Variants in NEK11 observed in about 807,000 individuals in gnomAD.
NEK11 encodes the protein serine/threonine-protein kinase Nek11.
Under a neutral mutation model 80.7 loss-of-function variants are expected in NEK11, and 72 were observed. That is an observed-to-expected ratio of 0.89 (90% CI 0.74 to 1.08). The LOEUF (loss-of-function observed/expected upper bound fraction) is 1.08, where lower values mean the gene tolerates loss of function less well. NEK11 is among the 50% of genes least tolerant of loss of function. NEK11 has a pLI of 0.00. For missense variants in NEK11, 764 were observed against 763.6 expected (o/e 1.00, Z -0.01); for synonymous variants, 251 against 260.7 (o/e 0.96, Z 0.36).
At position 131,029,887 on chromosome 3, in the gene NEK11, A is replaced by C. The variant is rs2064524807; in HGVS notation, c.170+9A>C. ...AAACGAGGAGAGGAATTGTAAGTAA[A>C]AATGCTTCCTATGAATCTTGAGTAG... On this transcript the variant is annotated intron_variant, in intron 3 of 17. Transcript: ENST00000383366. 2 of 1,613,568 alleles carry C rather than the reference A, an allele frequency of 1.2e-6. No homozygotes were observed. Among genetic ancestry groups the C allele is most frequent in the Non-Finnish European group, 1.7e-6 (2 of 1,179,708 alleles).
At chr3:131,029,417 C>T (rs1333681868) in intron 2 of NEK11, among the ~76,000 whole-genome samples, 196 bp from the exon 3 acceptor site, 1 of 152,166 alleles carries the variant, frequency 6.6e-6, no homozygotes, top group African/African-American at 2.4e-5. Flanking sequence ...TTTCAATGTA[C>T]AAAGGGAGGC....
At chr3:131,253,372 C>A (rs2095745068) in intron 16 of NEK11, among the ~76,000 whole-genome samples, 1 of 151,306 alleles carries the variant, frequency 6.6e-6, no homozygotes, top group South Asian at 2.1e-4. Flanking sequence ...TGATTCTAGG[C>A]AGAATTAGGA....
intron 14 of NEK11, among the ~76,000 whole-genome samples, chr3:131,217,331 G>C (rs945537992): frequency 3.9e-5 from 6 of 152,028 alleles, no homozygotes; most frequent in African/African-American, 1.4e-4. Flanking sequence ...GGAGAGACTG[G>C]GTATCCTTAT....
intron 4 of NEK11, 146 bp from the exon 5 acceptor site, chr3:131,109,657 T>C: frequency 1.2e-6 from 1 of 833,214 alleles, no homozygotes; most frequent in Non-Finnish European, 1.8e-6. Context: ...GGATAGACTT[T>C]GATTAAAGAG....
chr3:131,243,416 T>C lies in NEK11; in HGVS notation c.1561-20T>C. On this transcript the variant is annotated intron_variant, in intron 15 of 17. Transcript: ENST00000383366. ...TTCTACCATACAGGGAAAATAAACA[T>C]TTCTCCCTTATTTTGACAGGACAGT... is the stretch of plus-strand genomic sequence containing the variant. 6.2e-7 allele frequency: 1 copy of C among 1,607,454 alleles called. No individual in the cohort carries two copies. The highest frequency in any genetic ancestry group is 8.5e-7 in the Non-Finnish European group (1 of 1,174,718).
chr3:131,318,293 A>G (rs1461706322), intron 17 of NEK11, among the ~76,000 whole-genome samples: 3 of 152,184 alleles, frequency 2.0e-5, no homozygotes, highest in African/African-American at 7.2e-5. Context: ...TATCCCATTC[A>G]TTATTTCCAT....
rs558405889 is a variant in NEK11 at position 131,314,443 on chromosome 3, C to G, written c.1719-35114C>G. ...AGGAATCCTACCCAGCCATTCTCAACTTGTCATTCACCATGACATTCACAG... is the reference window on the plus strand; with the variant it reads ...AGGAATCCTACCCAGCCATTCTCAAGTTGTCATTCACCATGACATTCACAG... On this transcript the variant is annotated intron_variant, in intron 17 of 17. Transcript: ENST00000383366. 2.0e-5 allele frequency among the ~76,000 whole-genome samples: 3 copies of G among 152,334 alleles called. No homozygotes were observed. In the South Asian group the frequency reaches 6.2e-4, roughly 32 times the overall value.
At position 131,227,530 on chromosome 3, in the gene NEK11, CT is replaced by C. The variant is rs550376285; in HGVS notation, c.1400-996del. ...AAAAGTGGAAGAGCTAGATTCTAGC[CT>C]TGATTTTCTGACCCCAAATTTCATA... On this transcript the variant is annotated intron_variant, in intron 14 of 17. Coordinates refer to ENST00000383366, the MANE Select transcript of NEK11 (RefSeq NM_024800.5). Among the ~76,000 whole-genome samples, 36 of 152,140 alleles carry C rather than the reference CT, an allele frequency of 2.4e-4. No homozygotes were observed. In the South Asian group the frequency reaches 7.5e-3, roughly 32 times the overall value.
chr3:131,106,874 G>A (rs1381210986), intron 4 of NEK11, among the ~76,000 whole-genome samples: 1 of 152,014 alleles, frequency 6.6e-6, no homozygotes, highest in Non-Finnish European at 1.5e-5. Context: ...TTAGCCAGGT[G>A]CCAAGTACAA....
chr3:131,132,770 T>G lies in NEK11; in HGVS notation c.481T>G (p.Ser161Ala). Residue 161 changes from serine to alanine, a missense_variant, in exon 6 of 18, where the codon TCA (serine) becomes GCA (alanine). Physicochemically the swap from Ser to Ala is moderately conservative, Grantham distance 99. Coordinates refer to ENST00000383366, the MANE Select transcript of NEK11 (RefSeq NM_024800.5). ...ERRILHRDLK[S>A]KNVFLKNNLL... is the part of the protein sequence containing the mutation. Reference sequence around the variant, plus strand: ...GAGGATACTTCATCGAGACTTAAAGTCAAAGAATGTATTTCTGAAAAATAA... The same window carrying G: ...GAGGATACTTCATCGAGACTTAAAGGCAAAGAATGTATTTCTGAAAAATAA... The G allele has an allele frequency of 6.5e-7, 1 of 1,534,638 alleles. No homozygotes were observed. The highest frequency in any genetic ancestry group is 1.2e-5 in the South Asian group (1 of 83,800).
chr3:131,132,161 G>A (rs1437910754), intron 5 of NEK11, among the ~76,000 whole-genome samples: 2 of 151,450 alleles, frequency 1.3e-5, no homozygotes, highest in African/African-American at 2.4e-5. Flanking sequence ...TCATTTTTAT[G>A]TGAGCTCAAC....
At chr3:131,261,834 C>G (rs2095926992) in intron 16 of NEK11, among the ~76,000 whole-genome samples, 1 of 152,044 alleles carries the variant, frequency 6.6e-6, no homozygotes, top group Non-Finnish European at 1.5e-5. Context: ...ATTTATATTG[C>G]TTTTGATTTA....
chr3:131,139,557 A>G (rs2086415172), intron 7 of NEK11, among the ~76,000 whole-genome samples: 1 of 152,164 alleles, frequency 6.6e-6, no homozygotes, highest in South Asian at 2.1e-4. Context: ...AGAAGACCAA[A>G]CAGATTTAAC....
At chr3:131,267,475 TG>T (rs1171863843) in intron 16 of NEK11, among the ~76,000 whole-genome samples, 1 of 152,254 alleles carries the variant, frequency 6.6e-6, no homozygotes, top group African/African-American at 2.4e-5. Flanking sequence ...TATGACATTC[TG>T]GGTTGAAAAT....
intron 17 of NEK11, among the ~76,000 whole-genome samples, chr3:131,298,486 T>C (rs2096625859): frequency 6.6e-6 from 1 of 152,190 alleles, no homozygotes; most frequent in Admixed American, 6.5e-5. Context: ...CTCCTTAAGC[T>C]GATAAGCAAC....
intron 17 of NEK11, among the ~76,000 whole-genome samples, chr3:131,315,039 C>A (rs915000404): frequency 6.6e-6 from 1 of 152,012 alleles, no homozygotes; most frequent in Non-Finnish European, 1.5e-5. Flanking sequence ...GATACATGTA[C>A]CTTGATATAC....
intron 11 of NEK11, 48 bp downstream of exon 11, chr3:131,162,575 G>T: frequency 1.3e-6 from 2 of 1,599,922 alleles, no homozygotes; most frequent in Non-Finnish European, 1.7e-6. Context: ...TACTTCTCAG[G>T]GCTCTCAGGG....
rs1441330228 is a variant in NEK11 at position 131,122,857 on chromosome 3, G to A, written c.456-9888G>A. Among the ~76,000 whole-genome samples the A allele has an allele frequency of 2.0e-5, 3 of 152,102 alleles. No individual in the cohort carries two copies. In the East Asian group the frequency reaches 5.8e-4, roughly 29 times the overall value. On this transcript the variant is annotated intron_variant, in intron 5 of 17. Transcript: ENST00000383366. ...AATGACCTGATGGGGAGATGGAGAT[G>A]GGATTTTTAGCATGAATTTGAACCA...
intron 17 of NEK11, among the ~76,000 whole-genome samples, chr3:131,315,880 A>G (rs58046547): frequency 0.017 from 2,533 of 152,268 alleles, 67 homozygotes; most frequent in African/African-American, 0.057. Context: ...TGCAAAGGAC[A>G]TGATTTCATT....
Sources: allele counts gnomAD v4.1 joint callset (sites outside exome capture counted in the v4.1 genomes callset), GRCh38; gene constraint gnomAD v4.1.1; transcripts MANE v1.5; gene names NCBI Gene and HGNC (gene_info 2026-07-23, HGNC 2026-07-21).